The following MAPKAP1 variants were observed in gnomAD, a reference collection of about 807,000 sequenced individuals.
MAPKAP1 encodes target of rapamycin complex 2 subunit MAPKAP1.
Under a neutral mutation model 65.7 loss-of-function variants are expected in MAPKAP1, and 20 were observed. The ratio of observed to expected loss-of-function variants is 0.30; its 90% CI spans 0.21 to 0.44. The LOEUF is 0.44. Among genes scored for constraint, MAPKAP1 ranks in the 20% least tolerant of loss-of-function variants. The pLI is 1.00. For missense variants in MAPKAP1, 423 were observed against 648.0 expected (o/e 0.65, Z 3.77); for synonymous variants, 222 against 244.3 (o/e 0.91, Z 0.85).
rs1235420373 is a variant in MAPKAP1 at position 125,439,208 on chromosome 9, CAG to C, written c.1444-198_1444-197del. On this transcript the variant is annotated intron_variant, in intron 11 of 11. Transcript: ENST00000265960. This position sits in a 1 kb window ranked among gnomAD's most constrained non-coding sequence, Gnocchi z 4.0. The stretch of plus-strand genomic sequence containing the variant: ...GAGCCGCTGCTCTACGATGGGAAAA[CAG>C]AGGCTTGGAGAAGCCAAGTGGCCAG... Among the ~76,000 whole-genome samples, 1 of 152,226 alleles carries C rather than the reference CAG, an allele frequency of 6.6e-6. No individual in the cohort carries two copies. The highest frequency in any genetic ancestry group is 2.4e-5 in the African/African-American group (1 of 41,460).
intron 6 of MAPKAP1, among the ~76,000 whole-genome samples, chr9:125,548,569 C>T (rs1280165414): frequency 6.6e-6 from 1 of 152,038 alleles, no homozygotes; most frequent in African/African-American, 2.4e-5. Flanking sequence ...TCCTCATCTA[C>T]AAAATGAGGA....
chr9:125,631,812 G>GCCT (rs930868389), intron 4 of MAPKAP1, among the ~76,000 whole-genome samples: 15 of 152,096 alleles, frequency 9.9e-5, no homozygotes, highest in Non-Finnish European at 2.2e-4. Context: ...CTACCTAGAA[G>GCCT]CCTCCTGCCT....
At chr9:125,602,801 G>C (rs1213458964) in intron 4 of MAPKAP1, among the ~76,000 whole-genome samples, 1 of 152,104 alleles carries the variant, frequency 6.6e-6, no homozygotes, top group Non-Finnish European at 1.5e-5. Context: ...TCGTTAAGTA[G>C]GCTGTTCCAA....
Position 125,552,721 on chromosome 9 carries a change from C to A in MAPKAP1, c.848+6912G>T, listed in dbSNP as rs181065094. 3.9e-5 allele frequency among the ~76,000 whole-genome samples: 6 copies of A among 152,186 alleles called. No homozygotes were observed. The East Asian group carries it at 1.2e-3, about 29-fold the overall frequency. On this transcript the variant is annotated intron_variant, in intron 6 of 11. Transcript: ENST00000265960. ...ATATTAATAATCACAGCAGCATTTCCTGAGGTTCAAGAGCCCCCAGGAATC... is the reference window on the plus strand; with the variant it reads ...ATATTAATAATCACAGCAGCATTTCATGAGGTTCAAGAGCCCCCAGGAATC...
chr9:125,533,504 C>T (rs1053111205), intron 7 of MAPKAP1, among the ~76,000 whole-genome samples: 1 of 151,856 alleles, frequency 6.6e-6, no homozygotes, highest in Non-Finnish European at 1.5e-5. Flanking sequence ...CGCTAGAGTA[C>T]AGTGGCACGA....
chr9:125,510,260 CT>C (rs1829259432), intron 7 of MAPKAP1, among the ~76,000 whole-genome samples: 1 of 152,200 alleles, frequency 6.6e-6, no homozygotes. Flanking sequence ...CTCCTGCAAA[CT>C]ACAAATTACT....
chr9:125,507,260 A>G (rs758371654), intron 7 of MAPKAP1, among the ~76,000 whole-genome samples: 3 of 152,252 alleles, frequency 2.0e-5, no homozygotes, highest in East Asian at 3.8e-4. Context: ...CAGATAACAC[A>G]TAACGGGTCC....
At chr9:125,613,717 A>G (rs1832666365) in intron 4 of MAPKAP1, among the ~76,000 whole-genome samples, 1 of 152,206 alleles carries the variant, frequency 6.6e-6, no homozygotes, top group Non-Finnish European at 1.5e-5. Context: ...GTTTACTTTT[A>G]TTAGCAGGTT....
At chr9:125,547,144 C>T (rs770059884) in intron 6 of MAPKAP1, among the ~76,000 whole-genome samples, 3 of 152,170 alleles carry the variant, frequency 2.0e-5, no homozygotes, top group African/African-American at 7.2e-5. Flanking sequence ...TCCGTCCCAG[C>T]GCACAGCCAC....
intron 4 of MAPKAP1, among the ~76,000 whole-genome samples, chr9:125,625,881 G>A (rs1833103959): frequency 6.6e-6 from 1 of 152,170 alleles, no homozygotes; most frequent in African/African-American, 2.4e-5. Flanking sequence ...TTTATTTTTA[G>A]TTTCAAGTTT....
chr9:125,632,758 G>T (rs1833323428), intron 4 of MAPKAP1, among the ~76,000 whole-genome samples: 1 of 152,144 alleles, frequency 6.6e-6, no homozygotes, highest in African/African-American at 2.4e-5. Flanking sequence ...CCTACAGCTT[G>T]CCACGAAAGA....
intron 4 of MAPKAP1, among the ~76,000 whole-genome samples, chr9:125,598,179 T>G (rs1266687126): frequency 6.6e-6 from 1 of 152,112 alleles, no homozygotes; most frequent in African/African-American, 2.4e-5. Context: ...TTCAAAATGG[T>G]AATACTGAAT....
chr9:125,578,059 G>A (rs1172708702), intron 5 of MAPKAP1, among the ~76,000 whole-genome samples: 11 of 151,950 alleles, frequency 7.2e-5, no homozygotes, highest in Admixed American at 2.6e-4. Context: ...AGGTAGACAC[G>A]GGAGACTTTT....
intron 4 of MAPKAP1, among the ~76,000 whole-genome samples, chr9:125,613,839 C>T (rs988549990): frequency 6.6e-6 from 1 of 151,922 alleles, no homozygotes; most frequent in African/African-American, 2.4e-5. Context: ...GCTCTGTCAC[C>T]CAAGCTGGAG....
chr9:125,451,945 G>T (rs1024877614), intron 10 of MAPKAP1, among the ~76,000 whole-genome samples: 1 of 152,004 alleles, frequency 6.6e-6, no homozygotes, highest in Non-Finnish European at 1.5e-5. Context: ...GAGTAGCTGG[G>T]ATTACAGGCG....
intron 4 of MAPKAP1, among the ~76,000 whole-genome samples, chr9:125,643,211 G>T (rs1376631636): frequency 3.8e-5 from 5 of 131,606 alleles, no homozygotes; most frequent in African/African-American, 8.7e-5. Context: ...TTTTTTTTTG[G>T]GGGGAGGGAG....
chr9:125,695,589 C>T (rs555951869), intron 1 of MAPKAP1, among the ~76,000 whole-genome samples: 2 of 152,074 alleles, frequency 1.3e-5, no homozygotes, highest in African/African-American at 2.4e-5. Flanking sequence ...TCAAATACTT[C>T]GGTAAATTTT....
intron 4 of MAPKAP1, among the ~76,000 whole-genome samples, chr9:125,592,992 A>G (rs1241663776): frequency 2.0e-5 from 3 of 150,480 alleles, no homozygotes; most frequent in Non-Finnish European, 4.4e-5. Flanking sequence ...AAAAAAAAAG[A>G]AAAAAAAGAA....
At chr9:125,555,091 T>G (rs1447296352) in intron 6 of MAPKAP1, among the ~76,000 whole-genome samples, 6 of 151,704 alleles carry the variant, frequency 4.0e-5, no homozygotes, top group Non-Finnish European at 8.8e-5. Flanking sequence ...CGTTATAATT[T>G]TATCTGTATT....
Sources: allele counts gnomAD v4.1 joint callset (sites outside exome capture counted in the v4.1 genomes callset), GRCh38; gene constraint gnomAD v4.1.1; non-coding constraint Gnocchi (gnomAD v3.1); transcripts MANE v1.5; gene names NCBI Gene and HGNC (gene_info 2026-07-23, HGNC 2026-07-21).